The following FUT8 variants were observed in gnomAD, a reference collection of about 807,000 sequenced individuals.
FUT8 encodes alpha-(1,6)-fucosyltransferase.
FUT8 carries 29 observed loss-of-function variants against 71.3 expected under a neutral mutation model. The ratio of observed to expected loss-of-function variants is 0.41; its 90% CI spans 0.30 to 0.55. The LOEUF (loss-of-function observed/expected upper bound fraction) is 0.55, where lower values mean the gene tolerates loss of function less well. Ranked by LOEUF, FUT8 falls within the 20% of genes least tolerant of loss-of-function variation. FUT8 has a pLI of 0.34. For synonymous variants in FUT8, 254 were observed against 239.3 expected (o/e 1.06, Z -0.57); for missense variants, 544 against 702.1 (o/e 0.77, Z 2.55).
intron 3 of FUT8, among the ~76,000 whole-genome samples, chr14:65,591,840 CTTT>C (rs372894220): frequency 5.8e-5 from 7 of 120,074 alleles, no homozygotes; most frequent in Non-Finnish European, 7.2e-5. Context: ...TTGAAGCAGG[CTTT>C]TTTTTTTTTT....
intron 9 of FUT8, among the ~76,000 whole-genome samples, chr14:65,726,539 A>G (rs1364561836): frequency 6.6e-6 from 1 of 152,194 alleles, no homozygotes; most frequent in East Asian, 1.9e-4. Context: ...TTGTGAGACT[A>G]TTCGCTATCA....
At chr14:65,518,868 TAATAA>T (rs1160185103) in intron 2 of FUT8, among the ~76,000 whole-genome samples, 1 of 152,188 alleles carries the variant, frequency 6.6e-6, no homozygotes, top group Admixed American at 6.5e-5. Flanking sequence ...GCCTTGCACA[TAATAA>T]AATGTATCTT....
rs60092488 is a variant in FUT8 at position 65,699,145 on chromosome 14, T to TACACACAC, written c.836-22583_836-22576dup. On this transcript the variant is annotated intron_variant, in intron 7 of 10. Transcript: ENST00000673929. Reference sequence around the variant, plus strand: ...TGTCATGTAAACACTCCCTCCCTTCTACACACACACACACACACACACACA... The same window carrying TACACACAC: ...TGTCATGTAAACACTCCCTCCCTTCTACACACACACACACACACACACACACACACACA... 6.1e-3 allele frequency among the ~76,000 whole-genome samples: 810 copies of TACACACAC among 132,112 alleles called. 7 individuals carry two copies. The highest frequency in any genetic ancestry group is 0.015 in the African/African-American group (507 of 33,854). The allele number at this position is 132,112 out of a possible 152,430, so 86.7% of individuals were successfully genotyped here.
chr14:65,653,297 G>C (rs2300865), intron 6 of FUT8, among the ~76,000 whole-genome samples: 53,711 of 151,992 alleles, frequency 0.35, 11,820 homozygotes, highest in Non-Finnish European at 0.5. Context: ...TCTATTATCA[G>C]ATTGACCATC....
chr14:65,600,542 T>C (rs1022659372), intron 3 of FUT8, among the ~76,000 whole-genome samples: 6 of 152,130 alleles, frequency 3.9e-5, no homozygotes, highest in African/African-American at 1.2e-4. Flanking sequence ...CAGTAGGGGA[T>C]GGGTTAAGAG....
At chr14:65,554,555 CCTT>C (rs1024171893) in intron 2 of FUT8, among the ~76,000 whole-genome samples, 2 of 151,632 alleles carry the variant, frequency 1.3e-5, no homozygotes, top group Non-Finnish European at 2.9e-5. Flanking sequence ...AAACGGGTAC[CCTT>C]CTTCTTTGAT....
chr14:65,509,651 T>C (rs1003696234), intron 2 of FUT8, among the ~76,000 whole-genome samples: 7 of 152,118 alleles, frequency 4.6e-5, no homozygotes, highest in Admixed American at 4.6e-4. Flanking sequence ...GGTTAATTCC[T>C]AGGTATGTAT....
chr14:65,516,643 T>C (rs887081399), intron 2 of FUT8, among the ~76,000 whole-genome samples: 1 of 152,172 alleles, frequency 6.6e-6, no homozygotes, highest in African/African-American at 2.4e-5. Flanking sequence ...CTACTAGAAG[T>C]CTATAATTTT....
intron 2 of FUT8, among the ~76,000 whole-genome samples, chr14:65,484,020 C>G (rs1341693997): frequency 6.6e-6 from 1 of 152,208 alleles, no homozygotes; most frequent in Non-Finnish European, 1.5e-5. Flanking sequence ...AGCCACCACA[C>G]CCGGCCAATA....
intron 7 of FUT8, among the ~76,000 whole-genome samples, chr14:65,704,709 T>C (rs1016880703): frequency 4.6e-5 from 7 of 152,218 alleles, no homozygotes; most frequent in African/African-American, 1.7e-4. Flanking sequence ...ATAAGTTAAA[T>C]GGCTAAATTT....
intron 2 of FUT8, among the ~76,000 whole-genome samples, chr14:65,505,188 ATTAGTC>A (rs1566789596): frequency 2.0e-5 from 3 of 151,682 alleles, no homozygotes; most frequent in Admixed American, 1.3e-4. Context: ...ACTTGACCTG[ATTAGTC>A]TTAATTTTTT....
chr14:65,476,908 A>C (rs1029340136), intron 2 of FUT8, among the ~76,000 whole-genome samples: 1 of 152,100 alleles, frequency 6.6e-6, no homozygotes, highest in Non-Finnish European at 1.5e-5. Context: ...TTATGCATAA[A>C]CTTCAGCAAC....
intron 2 of FUT8, among the ~76,000 whole-genome samples, chr14:65,557,282 A>G (rs938726218): frequency 1.3e-5 from 2 of 152,136 alleles, no homozygotes; most frequent in African/African-American, 4.8e-5. Context: ...GTACCTTAAA[A>G]AGGTGATATC....
At chr14:65,479,497 T>A (rs1295807920) in intron 2 of FUT8, among the ~76,000 whole-genome samples, 1 of 152,130 alleles carries the variant, frequency 6.6e-6, no homozygotes, top group Non-Finnish European at 1.5e-5. Flanking sequence ...TGATTATGAG[T>A]GAGATTCAGC....
upstream of FUT8, among the ~76,000 whole-genome samples, chr14:65,406,162 A>G (rs1409960583): frequency 6.6e-6 from 1 of 152,282 alleles, no homozygotes; most frequent in African/African-American, 2.4e-5. Flanking sequence ...TGGTTTAGCT[A>G]TGAATAAACA....
intron 2 of FUT8, among the ~76,000 whole-genome samples, chr14:65,464,021 G>A (rs898983137): frequency 1.3e-5 from 2 of 152,152 alleles, no homozygotes; most frequent in African/African-American, 4.8e-5. Context: ...AGGAAACAAA[G>A]GAGGAAAACC....
intron 2 of FUT8, among the ~76,000 whole-genome samples, chr14:65,544,520 T>C (rs1884873193): frequency 6.6e-6 from 1 of 152,140 alleles, no homozygotes; most frequent in African/African-American, 2.4e-5. Context: ...AGTATTACCA[T>C]TTTTCAGCAG....
intron 5 of FUT8, among the ~76,000 whole-genome samples, chr14:65,623,380 G>T (rs953324718): frequency 2.0e-5 from 3 of 152,006 alleles, no homozygotes; most frequent in African/African-American, 7.2e-5. Context: ...TGAAATAGAG[G>T]TTTTAATACC....
At chr14:65,461,880 T>G (rs2065973998) in intron 2 of FUT8, among the ~76,000 whole-genome samples, 1 of 152,132 alleles carries the variant, frequency 6.6e-6, no homozygotes, top group Admixed American at 6.5e-5. Flanking sequence ...TAACAATGTG[T>G]AAGAAAACAG....
Sources: allele counts gnomAD v4.1 joint callset (sites outside exome capture counted in the v4.1 genomes callset), GRCh38; gene constraint gnomAD v4.1.1; transcripts MANE v1.5; gene names NCBI Gene and HGNC (gene_info 2026-07-23, HGNC 2026-07-21).